USP22: variants seen among roughly 807,000 people sequenced by gnomAD.
USP22 encodes the protein ubiquitin specific peptidase 22.
USP22 carries 22 observed loss-of-function variants against 68.1 expected under a neutral mutation model. The ratio of observed to expected loss-of-function variants is 0.32; its 90% CI spans 0.23 to 0.46. The LOEUF (loss-of-function observed/expected upper bound fraction) is 0.46, where lower values mean the gene tolerates loss of function less well. USP22 is among the 20% of genes least tolerant of loss of function. USP22 has a pLI of 1.00. For synonymous variants in USP22, 279 were observed against 274.2 expected (o/e 1.02, Z -0.17); for missense variants, 433 against 695.8 (o/e 0.62, Z 4.25).
At position 21,012,869 on chromosome 17, in the gene USP22, G is replaced by A; in HGVS notation, c.905C>T (p.Thr302Ile). Residue 302 changes from threonine to isoleucine, a missense_variant, in exon 7 of 13, where the codon ACA (threonine) becomes ATA (isoleucine). Thr to Ile is a moderately conservative substitution (Grantham distance 89, BLOSUM62 -1). This residue lies in a region of USP22 where 178 missense variants were observed against 351.5 expected (regional missense o/e 0.51). Coordinates refer to ENST00000261497, the MANE Select transcript of USP22 (RefSeq NM_015276.2). ...HCNCIIDQIF[T>I]GGLQSDVTCQ... is the part of the protein sequence containing the mutation. ...GGTGACGTCTGACTGCAACCCGCCT[G>A]TGAAGATCTGGTCTATGATGCAGTT... 6.2e-7 allele frequency: 1 copy of A among 1,614,086 alleles called. No homozygotes were observed. The highest frequency in any genetic ancestry group is 8.5e-7 in the Non-Finnish European group (1 of 1,180,028).
chr17:21,022,814 C>A (rs1211631689), intron 2 of USP22, among the ~76,000 whole-genome samples: 121 of 123,880 alleles, frequency 9.8e-4, no homozygotes, highest in African/African-American at 3.1e-3. Flanking sequence ...AAAAAAAAAA[C>A]CAAATGAACC....
intron 2 of USP22, among the ~76,000 whole-genome samples, chr17:21,024,556 A>ATTT (rs1972197211): frequency 6.6e-6 from 1 of 152,250 alleles, no homozygotes; most frequent in Non-Finnish European, 1.5e-5. Context: ...TCAGAGACCT[A>ATTT]AATATGAGAA....
chr17:21,043,303 C>CCCCCCCCCCCCCCCCCCCCCCCCCG (rs1567596626), upstream of USP22: 1 of 53,672 alleles, frequency 1.9e-5, no homozygotes, highest in Non-Finnish European at 5.1e-5. Context: ...TAGGCCACCC[C>CCCCCCCCCCCCCCCCCCCCCCCCCG]CCCCCCCCCC....
chr17:21,033,062 G>A (rs1972312164), intron 1 of USP22, among the ~76,000 whole-genome samples: 1 of 152,048 alleles, frequency 6.6e-6, no homozygotes, highest in African/African-American at 2.4e-5. Flanking sequence ...GAGGCCCAGT[G>A]GGGGCATCCA....
chr17:21,021,865 C>T (rs977517439), intron 2 of USP22, among the ~76,000 whole-genome samples: 2 of 152,098 alleles, frequency 1.3e-5, no homozygotes, highest in East Asian at 3.9e-4. Flanking sequence ...TTTGGGAAGC[C>T]GATGTAGGCA....
intron 1 of USP22, among the ~76,000 whole-genome samples, chr17:21,031,322 T>G (rs1972288407): frequency 6.6e-6 from 1 of 152,218 alleles, no homozygotes; most frequent in Non-Finnish European, 1.5e-5. Flanking sequence ...TTGAGTAAAG[T>G]ACACAGCAAT....
chr17:21,028,661 A>G lies in USP22; in HGVS notation c.185T>C (p.Ile62Thr). The G allele has an allele frequency of 6.2e-7, 1 of 1,613,944 alleles. No individual in the cohort carries two copies. Among genetic ancestry groups the G allele is most frequent in the Non-Finnish European group, 8.5e-7 (1 of 1,180,010 alleles). ...GAGGTGGACGCCACAGACATGGCAG[A>G]TACAGGACTTGGCCTGAAATTCAGA... is the stretch of plus-strand genomic sequence containing the variant. The part of the protein sequence containing the change: ...EARKRKAKSC[I>T]CHVCGVHLNR... Residue 62 changes from isoleucine to threonine, a missense_variant, in exon 2 of 13, where the codon ATC becomes ACC. By Grantham distance (89) the Ile-to-Thr change is moderately conservative (BLOSUM62 -1). Transcript: ENST00000261497.
At chr17:21,020,620 T>C (rs1229898189) in intron 3 of USP22, among the ~76,000 whole-genome samples, 1 of 152,102 alleles carries the variant, frequency 6.6e-6, no homozygotes, top group Non-Finnish European at 1.5e-5. Flanking sequence ...GATCCGAAAA[T>C]AGTCTGCTCT....
At chr17:21,041,364 G>A (rs1452106227) in intron 1 of USP22, among the ~76,000 whole-genome samples, 4 of 152,150 alleles carry the variant, frequency 2.6e-5, no homozygotes, top group African/African-American at 7.2e-5. Flanking sequence ...TTGGGAGGCA[G>A]AGGCGGGTGG....
At chr17:21,010,795 C>T (rs1366156122) in intron 8 of USP22, among the ~76,000 whole-genome samples, 1 of 152,020 alleles carries the variant, frequency 6.6e-6, no homozygotes, top group Admixed American at 6.5e-5. Flanking sequence ...CAGAGAAGGC[C>T]GTGGACCATG....
In USP22 at chr17:21,001,470, A is replaced by C. The variant is rs1913574578; in HGVS notation, c.*1561T>G. 6.6e-6 allele frequency: 1 copy of C among 152,240 alleles called. No individual in the cohort carries two copies. Among genetic ancestry groups the C allele is most frequent in the South Asian group, 2.1e-4 (1 of 4,828 alleles). 9.4% of individuals were successfully genotyped at this position (152,240 alleles called of 1,614,324 possible). The stretch of plus-strand genomic sequence containing the variant: ...TTTAAATAGTTAAAAAAAAAATCTA[A>C]GTTTCTTGACACAGAACAATATATG... On this transcript the variant is annotated 3_prime_UTR_variant, in exon 13 of 13. Transcript: ENST00000261497.
chr17:21,037,491 G>A (rs1297338335), intron 1 of USP22, among the ~76,000 whole-genome samples: 1 of 152,106 alleles, frequency 6.6e-6, no homozygotes, highest in East Asian at 1.9e-4. Flanking sequence ...TCATCTCCCT[G>A]GTCTTCCTTC....
intron 8 of USP22, among the ~76,000 whole-genome samples, chr17:21,008,303 A>G (rs1369189097): frequency 1.3e-5 from 2 of 152,212 alleles, no homozygotes; most frequent in Non-Finnish European, 2.9e-5. Flanking sequence ...GTTCACACAC[A>G]AACTGTCCAC....
At chr17:21,008,783 AGTTTAATGTAGAGAGGT>A (rs1195132875) in intron 8 of USP22, among the ~76,000 whole-genome samples, 1 of 152,142 alleles carries the variant, frequency 6.6e-6, no homozygotes, top group African/African-American at 2.4e-5. Flanking sequence ...CAACATAAGC[AGTTTAATGTAGAGAGGT>A]GAGAGGTCGG....
In USP22 at chr17:21,004,790, ATAGTG is replaced by A; in HGVS notation, c.1385+133_1385+137del. ...TTCCTAGTGGAGCTGCGGGCAGCCA[ATAGTG>A]GAGCTGCGGGCAGCCAAGCGGGAAG... On this transcript the variant is annotated intron_variant, in intron 11 of 12. Transcript: ENST00000261497. The A allele has an allele frequency of 1.6e-3, 145 of 88,468 alleles. 38 individuals carry two copies. The highest frequency in any genetic ancestry group is 0.01 in the South Asian group (22 of 2,172). The allele number at this position is 88,468 out of a possible 1,614,324, so 5.5% of individuals were successfully genotyped here. A position where few individuals can be genotyped will look rare whatever the true frequency, so the allele number is the denominator to read the frequency against.
At chr17:21,030,325 G>A (rs1404813575) in intron 1 of USP22, among the ~76,000 whole-genome samples, 2 of 152,018 alleles carry the variant, frequency 1.3e-5, no homozygotes, top group Non-Finnish European at 2.9e-5. Context: ...AAATATCTTT[G>A]ATTTGTGGTT....
intron 2 of USP22, among the ~76,000 whole-genome samples, chr17:21,027,458 A>C (rs1017716635): frequency 8.5e-5 from 13 of 152,068 alleles, no homozygotes; most frequent in Non-Finnish European, 1.6e-4. Context: ...TTCTAGGCTA[A>C]TGTTTTTAAA....
At chr17:21,028,162 C>G (rs1025565020) in intron 2 of USP22, among the ~76,000 whole-genome samples, 3 of 152,180 alleles carry the variant, frequency 2.0e-5, no homozygotes, top group Middle Eastern at 3.2e-3. Flanking sequence ...CCTATGCCCA[C>G]CCAACCCCAC....
chr17:21,006,739 A>G (rs922903403), intron 10 of USP22, 157 bp downstream of exon 10: 2 of 479,016 alleles, frequency 4.2e-6, no homozygotes, highest in Non-Finnish European at 7.5e-6. Flanking sequence ...TGTTGACCTC[A>G]TGATCTGCCC....
Sources: gnomAD v4.1 joint callset for allele counts (sites outside exome capture counted in the v4.1 genomes callset) on GRCh38, gnomAD v4.1.1 for gene constraint, gnomAD v4.1.1 regional missense constraint, MANE v1.5 for transcripts, NCBI Gene and HGNC (gene_info 2026-07-23, HGNC 2026-07-21) for gene names.